Variants in RARB observed in about 807,000 individuals in gnomAD.
RARB encodes the protein HBV-activated protein.
RARB carries 17 observed loss-of-function variants against 51.9 expected under a neutral mutation model. The observed-to-expected ratio is 0.33, with a 90% CI of 0.22 to 0.49. The LOEUF is 0.49. Among genes scored for constraint, RARB ranks in the 20% least tolerant of loss-of-function variants. The pLI, the probability that RARB is intolerant of heterozygous loss-of-function variation, is 0.99. For synonymous variants in RARB, 215 were observed against 195.4 expected (o/e 1.10, Z -0.84); for missense variants, 369 against 550.8 (o/e 0.67, Z 3.30).
intron 5 of RARB, among the ~76,000 whole-genome samples, chr3:25,384,431 G>A (rs1454889279): frequency 6.6e-6 from 1 of 152,190 alleles, no homozygotes; most frequent in African/African-American, 2.4e-5. Flanking sequence ...TTGGGCAAAA[G>A]GCTTGTGTTT....
At chr3:24,902,454 C>G (rs1038926141) in intron 2 of RARB, among the ~76,000 whole-genome samples, 2 of 152,088 alleles carry the variant, frequency 1.3e-5, no homozygotes, top group African/African-American at 4.8e-5. Flanking sequence ...AGAGTTTTCA[C>G]CCTCCCAAAT....
intron 5 of RARB, among the ~76,000 whole-genome samples, chr3:25,197,445 A>T (rs1458433848): frequency 6.6e-6 from 1 of 152,072 alleles, no homozygotes; most frequent in African/African-American, 2.4e-5. Context: ...TGGTAACAGT[A>T]CCATGCAATA....
intron 1 of RARB, among the ~76,000 whole-genome samples, chr3:25,431,831 A>T (rs1251893005): frequency 6.6e-6 from 1 of 152,190 alleles, no homozygotes; most frequent in Non-Finnish European, 1.5e-5. Context: ...TTAGGGAATG[A>T]GAAAAGGCCT....
At chr3:25,215,150 C>G (rs530263717) in intron 5 of RARB, among the ~76,000 whole-genome samples, 17 of 152,312 alleles carry the variant, frequency 1.1e-4, no homozygotes, top group Admixed American at 4.6e-4. Flanking sequence ...GTGTCAGTAC[C>G]TTAGCTTCTG....
intron 1 of RARB, among the ~76,000 whole-genome samples, chr3:25,460,812 G>T (rs763348327): frequency 5.9e-5 from 9 of 152,168 alleles, no homozygotes; most frequent in Non-Finnish European, 1.3e-4. Context: ...GAAGCTACTG[G>T]GGTTTGTAGT....
intron 2 of RARB, among the ~76,000 whole-genome samples, chr3:25,469,644 C>G (rs528864594): frequency 4.6e-5 from 7 of 152,328 alleles, no homozygotes; most frequent in Admixed American, 1.3e-4. Context: ...TTACATGTTT[C>G]CTCATTCATT....
intron 5 of RARB, among the ~76,000 whole-genome samples, chr3:25,275,343 C>A (rs903212835): frequency 6.6e-6 from 1 of 152,160 alleles, no homozygotes; most frequent in African/African-American, 2.4e-5. Flanking sequence ...TGCCTGTAGT[C>A]CCAGCTACTC....
intron 5 of RARB, chr3:25,259,934 A>G (rs1702956159): frequency 1.0e-6 from 1 of 985,250 alleles, no homozygotes; most frequent in South Asian, 4.7e-5. Flanking sequence ...TCTCTTTGGC[A>G]TTCATGGAGG....
At chr3:25,117,174 T>C (rs1199355083) in intron 3 of RARB, among the ~76,000 whole-genome samples, 1 of 152,176 alleles carries the variant, frequency 6.6e-6, no homozygotes, top group Non-Finnish European at 1.5e-5. Flanking sequence ...GCCCGCGTCC[T>C]ACAGCATGGC....
At position 25,104,488 on chromosome 3, in the gene RARB, T is replaced by C. The variant is rs9812732; in HGVS notation, c.-327-27673T>C. Among the ~76,000 whole-genome samples, 706 of 152,004 alleles carry C rather than the reference T, an allele frequency of 4.6e-3. 7 individuals are homozygous for C. The highest frequency in any genetic ancestry group is 0.017 in the African/African-American group (688 of 41,474). On this transcript the variant is annotated intron_variant, in intron 3 of 11. Coordinates refer to the RARB transcript ENST00000383772. The stretch of plus-strand genomic sequence containing the variant: ...GGAAAACCCATCTCTACTGAAAATA[T>C]AAAAATTTAGCTTGGCATAGCAGTG...
rs149191239 is a variant in RARB, at chr3:25,208,054, C to T, written c.178+33479C>T. Among the ~76,000 whole-genome samples, 644 of 151,988 alleles carry T rather than the reference C, an allele frequency of 4.2e-3. 10 individuals are homozygous for T. Among genetic ancestry groups the T allele is most frequent in the East Asian group, 0.028 (143 of 5,140 alleles). On this transcript the variant is annotated intron_variant, in intron 5 of 11. Transcript: ENST00000383772. ...AGCAAATTGGGGGAATGCTACGCAC[C>T]GTTAAGCAACCGGATCTCATGAGTA...
intron 2 of RARB, among the ~76,000 whole-genome samples, chr3:24,982,067 CA>C (rs959230179): frequency 1.3e-5 from 2 of 152,198 alleles, no homozygotes; most frequent in African/African-American, 4.8e-5. Context: ...GCCACTGCTT[CA>C]ATGATATTAT....
chr3:25,330,693 G>A lies in RARB; in HGVS notation c.179-130500G>A, dbSNP rs1299766697. Among the ~76,000 whole-genome samples, 4 of 152,278 alleles carry A rather than the reference G, an allele frequency of 2.6e-5. No individual in the cohort carries two copies. The South Asian group carries it at 8.3e-4, about 32-fold the overall frequency. Reference sequence around the variant, plus strand: ...AACCTTAAATGTAAATGGGTTAAATGCTCCAATTAAAAGACACAGACTGGC... The same window carrying A: ...AACCTTAAATGTAAATGGGTTAAATACTCCAATTAAAAGACACAGACTGGC... On this transcript the variant is annotated intron_variant, in intron 5 of 11. Coordinates refer to the RARB transcript ENST00000383772.
intron 5 of RARB, among the ~76,000 whole-genome samples, chr3:25,399,916 T>C (rs1218375217): frequency 3.9e-5 from 6 of 152,220 alleles, no homozygotes; most frequent in African/African-American, 1.4e-4. Flanking sequence ...GTGAGCCTTA[T>C]GGTTAGGTTT....
intron 5 of RARB, among the ~76,000 whole-genome samples, chr3:25,250,954 T>C (rs1029961517): frequency 1.3e-5 from 2 of 152,154 alleles, no homozygotes; most frequent in African/African-American, 4.8e-5. Context: ...TCTACAGGCT[T>C]CCAGTTGATC....
chr3:25,172,326 C>T (rs993959954), intron 4 of RARB, among the ~76,000 whole-genome samples: 1 of 152,092 alleles, frequency 6.6e-6, no homozygotes, highest in African/African-American at 2.4e-5. Flanking sequence ...GAAGGTGATT[C>T]AAATTCTGGC....
intron 1 of RARB, among the ~76,000 whole-genome samples, chr3:25,435,232 A>G (rs1335715489): frequency 3.9e-5 from 6 of 152,246 alleles, no homozygotes; most frequent in South Asian, 2.1e-4. Flanking sequence ...TATTCATCAC[A>G]GAATAAAATT....
intron 2 of RARB, among the ~76,000 whole-genome samples, chr3:24,985,047 T>G (rs1696758194): frequency 6.6e-6 from 1 of 152,188 alleles, no homozygotes; most frequent in South Asian, 2.1e-4. Flanking sequence ...TTCTGGAAAT[T>G]CATTAAATAT....
intron 3 of RARB, among the ~76,000 whole-genome samples, chr3:25,551,453 C>T (rs762768817): frequency 6.6e-6 from 1 of 152,172 alleles, no homozygotes; most frequent in Non-Finnish European, 1.5e-5. Flanking sequence ...GATAGGTCTG[C>T]CTCTTCCATT....
Sources: gnomAD v4.1 joint callset for allele counts (sites outside exome capture counted in the v4.1 genomes callset) on GRCh38, gnomAD v4.1.1 for gene constraint, MANE v1.5 for transcripts, NCBI Gene and HGNC (gene_info 2026-07-23, HGNC 2026-07-21) for gene names.